MAGI2: variants seen among roughly 807,000 people sequenced by gnomAD.
MAGI2 encodes membrane associated guanylate kinase, WW and PDZ domain containing 2.
A neutral mutation model predicts 133.3 loss-of-function variants in MAGI2; 35 were observed. The ratio of observed to expected loss-of-function variants is 0.26; its 90% CI spans 0.20 to 0.35. The LOEUF is 0.35. Among genes scored for constraint, MAGI2 ranks in the 10% least tolerant of loss-of-function variants. MAGI2 has a pLI of 1.00. For missense variants in MAGI2, 1,636 were observed against 1,863.4 expected (o/e 0.88, Z 2.25); for synonymous variants, 729 against 710.6 (o/e 1.03, Z -0.41).
intron 3 of MAGI2, among the ~76,000 whole-genome samples, chr7:78,522,317 T>A (rs1486805607): frequency 6.6e-6 from 1 of 152,246 alleles, no homozygotes; most frequent in Non-Finnish European, 1.5e-5. Context: ...ATCATTCTTA[T>A]TTATTCCCAT....
At chr7:79,173,474 C>T (rs970242761) in intron 1 of MAGI2, among the ~76,000 whole-genome samples, 6 of 151,920 alleles carry the variant, frequency 3.9e-5, no homozygotes, top group Admixed American at 6.6e-5. Flanking sequence ...TGCAGGCACA[C>T]GACTCCACAC....
intron 6 of MAGI2, among the ~76,000 whole-genome samples, chr7:78,458,294 C>CA (rs11380893): frequency 0.52 from 58,995 of 112,830 alleles, 14,156 homozygotes; most frequent in Middle Eastern, 0.6. Context: ...AACTCGGTCT[C>CA]AAAAAAAAAA....
At chr7:79,156,832 A>T (rs937111393) in intron 1 of MAGI2, among the ~76,000 whole-genome samples, 2 of 152,108 alleles carry the variant, frequency 1.3e-5, no homozygotes, top group African/African-American at 4.8e-5. Context: ...TTTCATTGAC[A>T]ATAATTTGGC....
chr7:79,117,868 C>T (rs987152002), intron 1 of MAGI2, among the ~76,000 whole-genome samples: 2 of 152,128 alleles, frequency 1.3e-5, no homozygotes, highest in Admixed American at 1.3e-4. Context: ...CCCTGAAATA[C>T]ATGTGATAAA....
rs1803530415 is a variant in MAGI2, at chr7:78,968,672, T to C, written c.418+38418A>G. 2.6e-5 allele frequency among the ~76,000 whole-genome samples: 4 copies of C among 152,100 alleles called. No individual in the cohort carries two copies. The South Asian group carries it at 8.3e-4, about 32-fold the overall frequency. ...TGTACTATATCACATTAAGCAAATA[T>C]GTTAAATTCCAAAAGAAGTCATTTT... is the stretch of plus-strand genomic sequence containing the variant. On this transcript the variant is annotated intron_variant, in intron 2 of 21. Transcript: ENST00000354212.
chr7:78,715,052 G>T (rs1197708437), intron 2 of MAGI2, among the ~76,000 whole-genome samples: 1 of 152,160 alleles, frequency 6.6e-6, no homozygotes, highest in East Asian at 1.9e-4. Flanking sequence ...GTTAAGGAGA[G>T]AGTCCTGTGT....
chr7:78,296,196 G>T (rs1015844170), intron 9 of MAGI2, among the ~76,000 whole-genome samples: 1 of 152,116 alleles, frequency 6.6e-6, no homozygotes, highest in Non-Finnish European at 1.5e-5. Context: ...TCTGCTAAAT[G>T]ATTACTCATC....
chr7:78,396,864 A>G (rs960430775), intron 6 of MAGI2, among the ~76,000 whole-genome samples: 6 of 152,168 alleles, frequency 3.9e-5, no homozygotes, highest in African/African-American at 1.2e-4. Context: ...TCTTGACCCT[A>G]TGAGACAGTA....
At chr7:79,327,844 A>C (rs1254724949) in intron 1 of MAGI2, among the ~76,000 whole-genome samples, 1 of 152,150 alleles carries the variant, frequency 6.6e-6, no homozygotes, top group Non-Finnish European at 1.5e-5. Flanking sequence ...TTTTTTTCCA[A>C]GCATTTTCTT....
rs569625568 is a variant in MAGI2 at position 78,346,089 on chromosome 7, T to C, written c.1104-46A>G. ...TTAGGATAACCGTGGGGCAAAGTTA[T>C]TTAAAAGACCATATGTATGGCTCTA... On this transcript the variant is annotated intron_variant, in intron 7 of 21. Transcript: ENST00000354212. 176 of 1,609,116 alleles carry C rather than the reference T, an allele frequency of 1.1e-4. No homozygotes were observed. In the South Asian group the frequency reaches 1.5e-3, roughly 13 times the overall value.
chr7:79,402,342 A>C (rs1350560311), intron 1 of MAGI2, among the ~76,000 whole-genome samples: 1 of 152,120 alleles, frequency 6.6e-6, no homozygotes, highest in Non-Finnish European at 1.5e-5. Context: ...TTCATTGAAA[A>C]CTGAAGTTCA....
chr7:79,307,361 A>G lies in MAGI2; in HGVS notation c.301+145659T>C, dbSNP rs531395671. Among the ~76,000 whole-genome samples the G allele has an allele frequency of 3.9e-5, 6 of 152,286 alleles. No homozygotes were observed. The South Asian group carries it at 1.2e-3, about 32-fold the overall frequency. Reference sequence around the variant, plus strand: ...CTTCTTAATTGCTAACCAGATCTGGAAGTTATTTCCAGAGTTAGTGATACT... The same window carrying G: ...CTTCTTAATTGCTAACCAGATCTGGGAGTTATTTCCAGAGTTAGTGATACT... On this transcript the variant is annotated intron_variant, in intron 1 of 21. Transcript: ENST00000354212.
intron 9 of MAGI2, among the ~76,000 whole-genome samples, chr7:78,295,287 T>C (rs971286574): frequency 1.3e-5 from 2 of 152,168 alleles, no homozygotes; most frequent in South Asian, 4.1e-4. Flanking sequence ...CTTATATCTA[T>C]ATGTTGTGGT....
chr7:79,421,515 G>A (rs1846958561), intron 1 of MAGI2, among the ~76,000 whole-genome samples: 1 of 151,780 alleles, frequency 6.6e-6, no homozygotes, highest in Admixed American at 6.6e-5. Context: ...AAATAATGAA[G>A]GAATTAAACT....
At chr7:79,417,842 T>C (rs1158737158) in intron 1 of MAGI2, among the ~76,000 whole-genome samples, 1 of 151,940 alleles carries the variant, frequency 6.6e-6, no homozygotes, top group African/African-American at 2.4e-5. Context: ...AATAAATGCT[T>C]CTTCACCACA....
intron 3 of MAGI2, among the ~76,000 whole-genome samples, chr7:78,591,335 G>A (rs576952814): frequency 3.2e-4 from 49 of 152,298 alleles, no homozygotes; most frequent in East Asian, 7.7e-4. Context: ...AAACAAGAGC[G>A]GGTTAGAGAT....
intron 2 of MAGI2, among the ~76,000 whole-genome samples, chr7:78,834,882 G>T (rs1791481491): frequency 6.6e-6 from 1 of 152,014 alleles, no homozygotes; most frequent in Non-Finnish European, 1.5e-5. Flanking sequence ...CCCTCCCCTT[G>T]CTCCTGCTTT....
chr7:79,141,054 A>G (rs554982862), intron 1 of MAGI2, among the ~76,000 whole-genome samples: 7 of 152,324 alleles, frequency 4.6e-5, no homozygotes, highest in African/African-American at 1.2e-4. Context: ...TCAGTTGTTT[A>G]TAAGTACTTG....
intron 3 of MAGI2, among the ~76,000 whole-genome samples, chr7:78,557,279 T>C (rs1799938186): frequency 6.6e-6 from 1 of 152,036 alleles, no homozygotes; most frequent in Non-Finnish European, 1.5e-5. Flanking sequence ...TATATTTCCA[T>C]ATGTACTGTA....
Sources: allele counts gnomAD v4.1 joint callset (sites outside exome capture counted in the v4.1 genomes callset), GRCh38; gene constraint gnomAD v4.1.1; transcripts MANE v1.5; gene names NCBI Gene and HGNC (gene_info 2026-07-23, HGNC 2026-07-21).